Variants in ASCC3 observed in about 807,000 individuals in gnomAD.
ASCC3 encodes the protein activating signal cointegrator 1 complex subunit 3.
A neutral mutation model predicts 256.3 loss-of-function variants in ASCC3; 158 were observed. The ratio of observed to expected loss-of-function variants is 0.62; its 90% CI spans 0.54 to 0.70. The LOEUF is 0.70. Among genes scored for constraint, ASCC3 ranks in the 30% least tolerant of loss-of-function variants. The pLI, the probability that ASCC3 is intolerant of heterozygous loss-of-function variation, is 0.00. For synonymous variants in ASCC3, 948 were observed against 883.4 expected (o/e 1.07, Z -1.30); for missense variants, 2,259 against 2,626.0 (o/e 0.86, Z 3.05).
chr6:100,742,550 TG>T (rs1246995376), intron 10 of ASCC3, among the ~76,000 whole-genome samples: 2 of 152,226 alleles, frequency 1.3e-5, no homozygotes, highest in Admixed American at 1.3e-4. Context: ...GAGCCCTGTC[TG>T]TATAACACTG....
intron 36 of ASCC3, among the ~76,000 whole-genome samples, chr6:100,583,437 C>T (rs1481397222): frequency 1.3e-5 from 2 of 151,858 alleles, no homozygotes; most frequent in African/African-American, 2.4e-5. Flanking sequence ...GGTGATATCC[C>T]CTTTATCATT....
At chr6:100,842,655 G>A (rs1177958817) in intron 4 of ASCC3, among the ~76,000 whole-genome samples, 2 of 152,054 alleles carry the variant, frequency 1.3e-5, no homozygotes, top group Non-Finnish European at 2.9e-5. Context: ...ATAGTAATAT[G>A]ATAGATTTAG....
Position 100,805,812 on chromosome 6 carries a change from A to G in ASCC3, c.870T>C (p.Ile290=), listed in dbSNP as rs113060513. Residue 290 remains isoleucine, a synonymous_variant, in exon 5 of 42, where the codon ATT becomes ATC. Coordinates refer to ENST00000369162, the MANE Select transcript of ASCC3 (RefSeq NM_006828.4). ...IEKLLQNRIT[I]VDRFLNSSND... is the part of the protein sequence containing the mutation. Reference sequence around the variant, plus strand: ...TTGAAGAATTAAGAAATCTATCCACAATTGTAATTCTGTTCTGGAGGAGTT... The same window carrying G: ...TTGAAGAATTAAGAAATCTATCCACGATTGTAATTCTGTTCTGGAGGAGTT... 13 of 1,611,470 alleles carry G rather than the reference A, an allele frequency of 8.1e-6. No homozygotes were observed. In the South Asian group the frequency reaches 1.4e-4, roughly 18 times the overall value.
chr6:100,620,715 A>T (rs1181214131), intron 30 of ASCC3, among the ~76,000 whole-genome samples: 1 of 152,160 alleles, frequency 6.6e-6, no homozygotes, highest in Non-Finnish European at 1.5e-5. Flanking sequence ...AGTTGTCAAC[A>T]CTAGAGTCTT....
At chr6:100,768,468 A>G (rs781249557) in intron 8 of ASCC3, among the ~76,000 whole-genome samples, 1 of 152,214 alleles carries the variant, frequency 6.6e-6, no homozygotes, top group Non-Finnish European at 1.5e-5. Flanking sequence ...GAAGCCAAGA[A>G]TATTACCAGC....
intron 14 of ASCC3, 58 bp downstream of exon 14, chr6:100,679,560 A>G: frequency 6.2e-7 from 1 of 1,608,190 alleles, no homozygotes. Context: ...TCACATATAA[A>G]ATACCCGGGA....
chr6:100,532,172 C>G (rs1228287243), intron 37 of ASCC3, among the ~76,000 whole-genome samples: 1 of 151,140 alleles, frequency 6.6e-6, no homozygotes, highest in Non-Finnish European at 1.5e-5. Context: ...GTTGAAATTA[C>G]TTTAACTGCT....
intron 12 of ASCC3, among the ~76,000 whole-genome samples, chr6:100,716,805 G>A (rs535277556): frequency 6.6e-6 from 1 of 152,010 alleles, no homozygotes; most frequent in South Asian, 2.1e-4. Context: ...TTTGTATGAT[G>A]CAACTGAAAG....
chr6:100,756,762 T>C (rs1410017951), intron 10 of ASCC3, among the ~76,000 whole-genome samples: 1 of 152,128 alleles, frequency 6.6e-6, no homozygotes, highest in Non-Finnish European at 1.5e-5. Context: ...TCTATAACTA[T>C]TAGTAAGAAT....
At chr6:100,742,487 C>T (rs1408106406) in intron 10 of ASCC3, among the ~76,000 whole-genome samples, 1 of 152,130 alleles carries the variant, frequency 6.6e-6, no homozygotes, top group African/African-American at 2.4e-5. Context: ...TTGACTGAAC[C>T]AAGAAATGGC....
chr6:100,750,084 G>T (rs1284560331), intron 10 of ASCC3, among the ~76,000 whole-genome samples: 1 of 151,692 alleles, frequency 6.6e-6, no homozygotes, highest in African/African-American at 2.4e-5. Context: ...AAACTGCCTG[G>T]AAAATTGACC....
chr6:100,874,246 T>C (rs1562362177), intron 1 of ASCC3, among the ~76,000 whole-genome samples: 1 of 151,990 alleles, frequency 6.6e-6, no homozygotes, highest in Non-Finnish European at 1.5e-5. Context: ...GGCAGGCGGA[T>C]CACGAGGTCA....
At chr6:100,747,157 GA>G (rs1780718291) in intron 10 of ASCC3, among the ~76,000 whole-genome samples, 1 of 143,944 alleles carries the variant, frequency 6.9e-6, no homozygotes, top group African/African-American at 2.6e-5. Flanking sequence ...AACATAAAAA[GA>G]TGCTCAACAT....
At chr6:100,645,438 G>A (rs1023026113) in intron 22 of ASCC3, among the ~76,000 whole-genome samples, 8 of 151,996 alleles carry the variant, frequency 5.3e-5, no homozygotes, top group Non-Finnish European at 7.4e-5. Flanking sequence ...CGTAGAATTG[G>A]GTTAAAACCA....
intron 10 of ASCC3, among the ~76,000 whole-genome samples, chr6:100,744,786 T>C (rs1780587622): frequency 6.6e-6 from 1 of 152,162 alleles, no homozygotes; most frequent in Non-Finnish European, 1.5e-5. Context: ...AAATATAAAA[T>C]ATTCATATGA....
chr6:100,581,568 G>C (rs1771268232), intron 36 of ASCC3, among the ~76,000 whole-genome samples: 1 of 150,446 alleles, frequency 6.6e-6, no homozygotes, highest in East Asian at 2.0e-4. Context: ...CTTTTGCTGT[G>C]CAGAAGCTCT....
At chr6:100,654,374 G>C (rs1463522676) in intron 17 of ASCC3, among the ~76,000 whole-genome samples, 1 of 151,584 alleles carries the variant, frequency 6.6e-6, no homozygotes, top group African/African-American at 2.4e-5. Context: ...CTTTATACTG[G>C]AAAATGAAAG....
chr6:100,822,519 G>A (rs1271478579), intron 4 of ASCC3, among the ~76,000 whole-genome samples: 19 of 141,198 alleles, frequency 1.3e-4, no homozygotes, highest in South Asian at 4.4e-4. Context: ...CCTGGGCGAC[G>A]AGCAAGACTC....
Position 100,627,822 on chromosome 6 carries a change from T to C in ASCC3, c.4521+20A>G. ...GTAACACTACTAAATAAATGCATAA[T>C]TTATCAATCTTCTACATACCTGCTT... On this transcript the variant is annotated intron_variant, in intron 28 of 41. Coordinates refer to ENST00000369162, the MANE Select transcript of ASCC3 (RefSeq NM_006828.4). The C allele has an allele frequency of 6.2e-7, 1 of 1,613,466 alleles. No homozygotes were observed. Among genetic ancestry groups the C allele is most frequent in the Non-Finnish European group, 8.5e-7 (1 of 1,179,654 alleles).
Sources: gnomAD v4.1 joint callset for allele counts (sites outside exome capture counted in the v4.1 genomes callset) on GRCh38, gnomAD v4.1.1 for gene constraint, MANE v1.5 for transcripts, NCBI Gene and HGNC (gene_info 2026-07-23, HGNC 2026-07-21) for gene names.